Variants in NCAPG2 observed in about 807,000 individuals in gnomAD.
The protein encoded by NCAPG2 is condensin-2 complex subunit G2.
NCAPG2 carries 53 observed loss-of-function variants against 141.1 expected under a neutral mutation model. The ratio of observed to expected loss-of-function variants is 0.38; its 90% CI spans 0.30 to 0.47. NCAPG2 has a LOEUF of 0.47. Among genes scored for constraint, NCAPG2 ranks in the 20% least tolerant of loss-of-function variants. The pLI is 0.99. For missense variants in NCAPG2, 1,087 were observed against 1,389.0 expected, an observed-to-expected ratio of 0.78 and a Z score of 3.46; for synonymous variants, 499 against 490.7, an observed-to-expected ratio of 1.02 and a Z score of -0.22.
chr7:158,664,096 G>T, intron 15 of NCAPG2, 88 bp downstream of exon 15: 1 of 1,047,968 alleles, frequency 9.5e-7, no homozygotes, highest in Non-Finnish European at 1.5e-6. Context: ...AAGGAACAAA[G>T]AAAACATAGG....
At chr7:158,703,645 C>T (rs1223467061) in intron 1 of NCAPG2, 2 of 152,238 alleles carry the variant, frequency 1.3e-5, no homozygotes, top group African/African-American at 2.4e-5. Context: ...AAGGAGTCAT[C>T]TCACCATCCA....
intron 1 of NCAPG2, chr7:158,703,730 G>A (rs1171208624): frequency 6.6e-6 from 1 of 152,304 alleles, no homozygotes; most frequent in Non-Finnish European, 1.5e-5. Flanking sequence ...TTAAAAAGAA[G>A]AAATCCCTGT....
rs563082888 is a variant in NCAPG2, at chr7:158,637,168, C to T, written c.3381-5451G>A. Among the ~76,000 whole-genome samples the T allele has an allele frequency of 2.7e-4, 41 of 152,238 alleles. No individual in the cohort carries two copies. In the South Asian group the frequency reaches 5.4e-3, roughly 20 times the overall value. On this transcript the variant is annotated intron_variant, in intron 27 of 27. Coordinates refer to ENST00000356309, the MANE Select transcript of NCAPG2 (RefSeq NM_017760.7). ...TTCACCGTGTTAGCCAGGATGGTCT[C>T]GATCTCCTGACCTCGTGATCCACCT...
intron 2 of NCAPG2, among the ~76,000 whole-genome samples, chr7:158,694,812 C>G (rs1035936792): frequency 2.0e-5 from 3 of 152,032 alleles, no homozygotes; most frequent in Non-Finnish European, 4.4e-5. Context: ...CATTTTTCAT[C>G]TAGCTTTTTC....
At chr7:158,670,377 G>A (rs751492306) in intron 13 of NCAPG2, among the ~76,000 whole-genome samples, 4 of 152,112 alleles carry the variant, frequency 2.6e-5, no homozygotes, top group Non-Finnish European at 5.9e-5. Flanking sequence ...ACCAGCCTGG[G>A]CAACATGGGG....
At chr7:158,693,591 TCATTACAAG>T in intron 2 of NCAPG2, 94 bp from the exon 3 acceptor site, 3 of 1,100,896 alleles carry the variant, frequency 2.7e-6, no homozygotes, top group Non-Finnish European at 2.5e-6. Flanking sequence ...AGTGTTAACT[TCATTACAAG>T]TTCAAGAGTT....
At chr7:158,648,819 C>T (rs77938885) in intron 24 of NCAPG2, among the ~76,000 whole-genome samples, 2 of 40,948 alleles carry the variant, frequency 4.9e-5, no homozygotes, top group Admixed American at 2.4e-4. Context: ...AAATGGACCA[C>T]AACCACGCCA....
intron 27 of NCAPG2, among the ~76,000 whole-genome samples, chr7:158,642,588 G>GA (rs11419434): frequency 0.57 from 86,574 of 151,072 alleles, 24,992 homozygotes; most frequent in Non-Finnish European, 0.6. Flanking sequence ...AAGATAAATA[G>GA]AAAAAAAAAG....
intron 2 of NCAPG2, 30 bp downstream of exon 2, chr7:158,701,792 A>G: frequency 6.3e-7 from 1 of 1,583,562 alleles, no homozygotes; most frequent in African/African-American, 1.3e-5. Context: ...ACAGTCAAAA[A>G]TCACAACAAA....
chr7:158,686,586 A>G (rs1834769626), intron 7 of NCAPG2, among the ~76,000 whole-genome samples: 1 of 152,216 alleles, frequency 6.6e-6, no homozygotes, highest in East Asian at 1.9e-4. Flanking sequence ...GTCACGTTGG[A>G]CTTTTCACGC....
chr7:158,672,284 GTGTGTGTGTATATATATATATATA>G (rs1333687429), intron 12 of NCAPG2, among the ~76,000 whole-genome samples: 919 of 70,680 alleles, frequency 0.013, 32 homozygotes, highest in African/African-American at 0.034. Context: ...ACACATGTGT[GTGTGTGTGTATATATATATATATA>G]TATATATATA....
intron 22 of NCAPG2, among the ~76,000 whole-genome samples, chr7:158,654,036 A>G (rs1394834390): frequency 6.6e-6 from 1 of 152,146 alleles, no homozygotes; most frequent in Admixed American, 6.6e-5. Context: ...GACTGTGATC[A>G]GAAGGCCAAG....
intron 6 of NCAPG2, among the ~76,000 whole-genome samples, chr7:158,687,813 G>C (rs1381948070): frequency 2.6e-5 from 4 of 152,156 alleles, no homozygotes; most frequent in African/African-American, 9.7e-5. Flanking sequence ...AGGTGGGTGG[G>C]AATGGAGTTG....
chr7:158,637,019 C>T (rs1334102807), intron 27 of NCAPG2, among the ~76,000 whole-genome samples: 11 of 151,386 alleles, frequency 7.3e-5, no homozygotes. Flanking sequence ...GTGATCTTGG[C>T]TCACTGCAAG....
At chr7:158,682,851 A>AGATT (rs1834527816) in intron 9 of NCAPG2, among the ~76,000 whole-genome samples, 1 of 152,164 alleles carries the variant, frequency 6.6e-6, no homozygotes, top group Non-Finnish European at 1.5e-5. Context: ...GTTCATATCT[A>AGATT]AATTCTGAGA....
rs537240610 is a variant in NCAPG2 at position 158,654,438 on chromosome 7, C to T, written c.2746+157G>A. Among the ~76,000 whole-genome samples, 18 of 152,308 alleles carry T rather than the reference C, an allele frequency of 1.2e-4. 1 individual carries two copies. Among genetic ancestry groups the T allele is most frequent in the South Asian group, 8.3e-4 (4 of 4,824 alleles). Reference sequence around the variant, plus strand: ...TGACACAGAAACACCTCTTAATTTCCGGGCTGAACCACCTAACAAATCCCT... The same window carrying T: ...TGACACAGAAACACCTCTTAATTTCTGGGCTGAACCACCTAACAAATCCCT... On this transcript the variant is annotated intron_variant, in intron 22 of 27. Coordinates refer to ENST00000356309, the MANE Select transcript of NCAPG2 (RefSeq NM_017760.7).
At chr7:158,693,262 C>A (rs1563578001) in intron 3 of NCAPG2, 47 bp downstream of exon 3, 2 of 1,554,606 alleles carry the variant, frequency 1.3e-6, no homozygotes, top group Admixed American at 2.1e-5. Context: ...TATTTTTTGA[C>A]AAAAAAAAGA....
At chr7:158,690,074 A>G (rs1254562275) in intron 5 of NCAPG2, 121 bp from the exon 6 acceptor site, 10 of 987,764 alleles carry the variant, frequency 1.0e-5, no homozygotes, top group African/African-American at 1.7e-5. Flanking sequence ...AGATTAAAAA[A>G]TAACGACAAA....
intron 12 of NCAPG2, among the ~76,000 whole-genome samples, chr7:158,673,125 C>T (rs1188930804): frequency 1.3e-5 from 2 of 152,072 alleles, no homozygotes; most frequent in Non-Finnish European, 2.9e-5. Context: ...ACCTCAGACA[C>T]CAGGAAGGGA....
Sources: allele counts gnomAD v4.1 joint callset (sites outside exome capture counted in the v4.1 genomes callset), GRCh38; gene constraint gnomAD v4.1.1; transcripts MANE v1.5; gene names NCBI Gene and HGNC (gene_info 2026-07-23, HGNC 2026-07-21).